Variants in LINGO2 observed in about 807,000 individuals in gnomAD.
The protein encoded by LINGO2 is leucine-rich repeat and immunoglobulin-like domain-containing nogo receptor-interacting protein 2.
LINGO2 carries 14 observed loss-of-function variants against 30.6 expected under a neutral mutation model. The ratio of observed to expected loss-of-function variants is 0.46; its 90% CI spans 0.30 to 0.72. The LOEUF is 0.72. Among genes scored for constraint, LINGO2 ranks in the 30% least tolerant of loss-of-function variants. LINGO2 has a pLI of 0.07. For missense variants in LINGO2, 729 were observed against 751.7 expected, an observed-to-expected ratio of 0.97 and a Z score of 0.35; for synonymous variants, 317 against 288.5, an observed-to-expected ratio of 1.10 and a Z score of -1.00.
chr9:28,078,562 T>C (rs13296863), intron 4 of LINGO2, among the ~76,000 whole-genome samples: 3,825 of 148,694 alleles, frequency 0.026, 145 homozygotes, highest in Non-Finnish European at 0.04. Context: ...TTAAGATCTC[T>C]AGACTCTGCC....
the LINGO2 span, among the ~76,000 whole-genome samples, chr9:29,080,656 T>C: frequency 6.6e-6 from 1 of 152,138 alleles, no homozygotes; most frequent in Non-Finnish European, 1.5e-5. Flanking sequence ...TTTGGTCTCA[T>C]TGGTTTCAAA....
chr9:28,429,316 G>A (rs10812821), intron 2 of LINGO2, among the ~76,000 whole-genome samples: 45,728 of 151,918 alleles, frequency 0.3, 7,863 homozygotes, highest in Non-Finnish European at 0.38. Context: ...TAAAATTTTA[G>A]ATTAAAAAAA....
chr9:28,175,104 T>C (rs1240111203), intron 4 of LINGO2, among the ~76,000 whole-genome samples: 1 of 152,158 alleles, frequency 6.6e-6, no homozygotes, highest in Admixed American at 6.5e-5. Context: ...GTATAGCAGT[T>C]GTTATCATAG....
chr9:28,360,258 C>T (rs1564149058), intron 3 of LINGO2, among the ~76,000 whole-genome samples: 3 of 152,124 alleles, frequency 2.0e-5, no homozygotes, highest in Non-Finnish European at 4.4e-5. Flanking sequence ...GAGCACTATT[C>T]CTTTAAACCG....
chr9:28,303,436 T>A (rs2134217702), intron 3 of LINGO2, among the ~76,000 whole-genome samples: 1 of 152,176 alleles, frequency 6.6e-6, no homozygotes, highest in South Asian at 2.1e-4. Flanking sequence ...AAAGGTTTTT[T>A]AAACTGTAGT....
the LINGO2 span, among the ~76,000 whole-genome samples, chr9:28,741,744 TGGCCTGATCCTGA>T: frequency 6.6e-6 from 1 of 151,886 alleles, no homozygotes; most frequent in African/African-American, 2.4e-5. Flanking sequence ...TTGCAAGGGC[TGGCCTGATCCTGA>T]GGCCTGTATC....
chr9:28,928,687 CAGG>C, the LINGO2 span, among the ~76,000 whole-genome samples: 846 of 152,154 alleles, frequency 5.6e-3, 13 homozygotes, highest in African/African-American at 0.019. Flanking sequence ...CTAATGGTAG[CAGG>C]AGAATAATTT....
At chr9:28,099,846 C>G (rs1443474361) in intron 4 of LINGO2, among the ~76,000 whole-genome samples, 1 of 152,144 alleles carries the variant, frequency 6.6e-6, no homozygotes, top group East Asian at 1.9e-4. Context: ...CTCTTGCCCT[C>G]CTGTCCTCTT....
intron 1 of LINGO2, among the ~76,000 whole-genome samples, chr9:28,534,153 T>C (rs941949195): frequency 1.3e-5 from 2 of 151,786 alleles, no homozygotes; most frequent in Admixed American, 6.5e-5. Flanking sequence ...AATCTCATTC[T>C]GCTTTATTTA....
chr9:28,121,768 A>G (rs981977272), intron 4 of LINGO2, among the ~76,000 whole-genome samples: 21 of 152,234 alleles, frequency 1.4e-4, no homozygotes, highest in Non-Finnish European at 7.3e-5. Context: ...TGAATAAAGA[A>G]AACCTGCACA....
chr9:29,009,040 A>C, the LINGO2 span, among the ~76,000 whole-genome samples: 1 of 152,210 alleles, frequency 6.6e-6, no homozygotes, highest in Non-Finnish European at 1.5e-5. Flanking sequence ...ATCTCAAAAT[A>C]ATAAGAGCTA....
chr9:28,977,886 G>A, the LINGO2 span, among the ~76,000 whole-genome samples: 1 of 152,128 alleles, frequency 6.6e-6, no homozygotes, highest in Non-Finnish European at 1.5e-5. Context: ...TGATGTGGCT[G>A]TCTTGAAACA....
At chr9:28,232,560 C>A (rs925010717) in intron 4 of LINGO2, among the ~76,000 whole-genome samples, 4 of 151,694 alleles carry the variant, frequency 2.6e-5, no homozygotes, top group Non-Finnish European at 5.9e-5. Flanking sequence ...ATGCTTAAGT[C>A]AAGCTAATTA....
the LINGO2 span, among the ~76,000 whole-genome samples, chr9:28,990,753 G>T: frequency 2.3e-5 from 2 of 86,552 alleles, no homozygotes; most frequent in Admixed American, 1.2e-4. Flanking sequence ...ACAGGGTCTG[G>T]AGTGGACCTT....
chr9:28,636,158 T>C (rs571171375), intron 1 of LINGO2, among the ~76,000 whole-genome samples: 8 of 152,238 alleles, frequency 5.3e-5, no homozygotes, highest in East Asian at 1.9e-4. Flanking sequence ...ATGAACTCAT[T>C]ATTTTTTATG....
intron 2 of LINGO2, among the ~76,000 whole-genome samples, chr9:28,458,204 TC>T (rs1237068562): frequency 6.6e-6 from 1 of 152,176 alleles, no homozygotes; most frequent in Non-Finnish European, 1.5e-5. Context: ...AAACAATTTG[TC>T]AGAAATCATT....
chr9:28,003,129 T>TA (rs1284425540), intron 5 of LINGO2, among the ~76,000 whole-genome samples: 1 of 152,172 alleles, frequency 6.6e-6, no homozygotes, highest in Admixed American at 6.6e-5. Context: ...AATGATGTGG[T>TA]AAGAAAGCAT....
the LINGO2 span, among the ~76,000 whole-genome samples, chr9:29,129,217 GGTGAGCAT>G: frequency 6.6e-6 from 1 of 151,982 alleles, no homozygotes; most frequent in Non-Finnish European, 1.5e-5. Flanking sequence ...CTTTTATTTA[GGTGAGCAT>G]GTGATGGTCA....
chr9:28,506,427 C>T (rs1402222654), intron 1 of LINGO2, among the ~76,000 whole-genome samples: 2 of 86,882 alleles, frequency 2.3e-5, no homozygotes, highest in African/African-American at 8.1e-5. Context: ...TATATACACA[C>T]ACACACACAC....
Sources: gnomAD v4.1 joint callset for allele counts (sites outside exome capture counted in the v4.1 genomes callset) on GRCh38, gnomAD v4.1.1 for gene constraint, MANE v1.5 for transcripts, NCBI Gene and HGNC (gene_info 2026-07-23, HGNC 2026-07-21) for gene names.